The following EYS variants were observed in gnomAD, a reference collection of about 807,000 sequenced individuals.
The protein encoded by EYS is EGF-like photoreceptor maintenance factor.
Under a neutral mutation model 282.1 loss-of-function variants are expected in EYS, and 250 were observed. The ratio of observed to expected loss-of-function variants is 0.89; its 90% CI spans 0.80 to 0.98. EYS has a LOEUF of 0.98. Ranked by LOEUF, EYS falls within the 50% of genes least tolerant of loss-of-function variation. The pLI is 0.00. For missense variants in EYS, 4,016 were observed against 3,709.0 expected (o/e 1.08, Z -2.15); for synonymous variants, 1,355 against 1,282.9 (o/e 1.06, Z -1.20).
chr6:65,515,388 C>T (rs1330103949), intron 2 of EYS, among the ~76,000 whole-genome samples: 1 of 152,080 alleles, frequency 6.6e-6, no homozygotes, highest in Non-Finnish European at 1.5e-5. Flanking sequence ...TGTGGTGATA[C>T]CTCAGGGATC....
intron 30 of EYS, among the ~76,000 whole-genome samples, chr6:64,231,499 T>C (rs969629097): frequency 7.2e-5 from 11 of 152,116 alleles, no homozygotes; most frequent in Non-Finnish European, 1.2e-4. Flanking sequence ...CAAATAAGAT[T>C]GCTATTCCTT....
At chr6:63,722,198 G>C (rs1768425970) in intron 42 of EYS, among the ~76,000 whole-genome samples, 1 of 152,050 alleles carries the variant, frequency 6.6e-6, no homozygotes, top group Non-Finnish European at 1.5e-5. Context: ...TACCTGGAAT[G>C]TTCTCTTTCC....
At chr6:64,343,743 C>A (rs1458380609) in intron 29 of EYS, among the ~76,000 whole-genome samples, 1 of 151,970 alleles carries the variant, frequency 6.6e-6, no homozygotes, top group East Asian at 1.9e-4. Context: ...ATAAAAAACC[C>A]TTCAAAAAAT....
intron 29 of EYS, among the ~76,000 whole-genome samples, chr6:64,317,243 A>G (rs1178393261): frequency 6.6e-6 from 1 of 152,084 alleles, no homozygotes; most frequent in African/African-American, 2.4e-5. Flanking sequence ...TGCACAGAAA[A>G]AGAAACTATC....
chr6:63,777,805 C>T, intron 40 of EYS: 1 of 528,438 alleles, frequency 1.9e-6, no homozygotes. Context: ...TTTCACAGAA[C>T]TAAGATGGCA....
At chr6:64,131,521 T>C (rs1773979589) in intron 31 of EYS, among the ~76,000 whole-genome samples, 1 of 152,084 alleles carries the variant, frequency 6.6e-6, no homozygotes, top group Non-Finnish European at 1.5e-5. Flanking sequence ...GTATAGACCA[T>C]GTGACTTGTG....
chr6:65,301,911 A>T (rs71572516), intron 11 of EYS, among the ~76,000 whole-genome samples: 13,258 of 151,626 alleles, frequency 0.087, 146 homozygotes, highest in African/African-American at 0.17. Flanking sequence ...GGATTTGGGG[A>T]TATTCCCTGC....
Position 65,295,857 on chromosome 6 carries a change from A to AC in EYS, c.2023+5dup, listed in dbSNP as rs1768646958. The AC allele has an allele frequency of 2.0e-6, 3 of 1,526,126 alleles. No individual in the cohort carries two copies. The highest frequency in any genetic ancestry group is 2.3e-5 in the Admixed American group (1 of 44,212). 94.5% of individuals were successfully genotyped at this position (1,526,126 alleles called of 1,614,324 possible). On this transcript the variant is annotated splice_donor_region_variant and intron_variant, in intron 12 of 42. Transcript: ENST00000503581. ...AATTTAATTTATCAGGAAAAAAAAAACTTGCCTTTAAATCCTGGGACACAC... is the reference window on the plus strand; with the variant it reads ...AATTTAATTTATCAGGAAAAAAAAAACCTTGCCTTTAAATCCTGGGACACAC...
intron 5 of EYS, among the ~76,000 whole-genome samples, chr6:65,464,339 T>C (rs1764921843): frequency 2.0e-5 from 3 of 152,142 alleles, no homozygotes; most frequent in African/African-American, 7.2e-5. Flanking sequence ...CCCATGAAGG[T>C]AGTTAAATTT....
intron 22 of EYS, among the ~76,000 whole-genome samples, chr6:64,635,966 G>C (rs563544674): frequency 1.2e-4 from 18 of 152,068 alleles, no homozygotes; most frequent in African/African-American, 3.6e-4. Flanking sequence ...ACTTTTTTTG[G>C]TTGGTAAGCT....
At chr6:64,455,286 T>G (rs536282056) in intron 26 of EYS, among the ~76,000 whole-genome samples, 1 of 152,244 alleles carries the variant, frequency 6.6e-6, no homozygotes, top group East Asian at 1.9e-4. Flanking sequence ...ATTCTTAAAA[T>G]AGTTTACTAG....
At chr6:65,443,489 G>A (rs539808868) in intron 5 of EYS, among the ~76,000 whole-genome samples, 15 of 151,442 alleles carry the variant, frequency 9.9e-5, no homozygotes, top group African/African-American at 3.6e-4. Flanking sequence ...ATACACATAT[G>A]CGCATATACT....
At chr6:64,103,169 G>A (rs1007365123) in intron 31 of EYS, among the ~76,000 whole-genome samples, 5 of 152,072 alleles carry the variant, frequency 3.3e-5, no homozygotes, top group Non-Finnish European at 5.9e-5. Context: ...CAAGATGGTG[G>A]TTATGGGAGG....
rs993045123 is a variant in EYS, at chr6:64,991,236, A to G, written c.2259+6346T>C. The stretch of plus-strand genomic sequence containing the variant: ...AGGGAAGATTGGTATAATAAAAAGT[A>G]GAGATCTGAGTAATACATTGTAGGC... On this transcript the variant is annotated intron_variant, in intron 14 of 42. Coordinates refer to ENST00000503581, the MANE Select transcript of EYS (RefSeq NM_001142800.2). Among the ~76,000 whole-genome samples the G allele has an allele frequency of 2.0e-5, 3 of 151,644 alleles. No homozygotes were observed. The South Asian group carries it at 6.2e-4, about 31-fold the overall frequency.
chr6:65,100,384 G>A (rs1023434555), intron 12 of EYS, among the ~76,000 whole-genome samples: 4 of 150,462 alleles, frequency 2.7e-5, no homozygotes, highest in Non-Finnish European at 4.5e-5. Context: ...CAAAAAAAGA[G>A]TCATAAGGCA....
chr6:64,686,408 A>G (rs1770100669), intron 22 of EYS, among the ~76,000 whole-genome samples: 1 of 151,912 alleles, frequency 6.6e-6, no homozygotes, highest in Admixed American at 6.6e-5. Flanking sequence ...AACAAACATT[A>G]CCAATATGAT....
intron 19 of EYS, among the ~76,000 whole-genome samples, chr6:64,858,325 T>A (rs1345979581): frequency 1.3e-5 from 2 of 152,132 alleles, no homozygotes; most frequent in African/African-American, 4.8e-5. Context: ...GATAGCCAGT[T>A]TTTCCAGCAT....
At chr6:64,543,193 C>A (rs1764742450) in intron 26 of EYS, among the ~76,000 whole-genome samples, 1 of 151,900 alleles carries the variant, frequency 6.6e-6, no homozygotes, top group Non-Finnish European at 1.5e-5. Flanking sequence ...TATAAGTTAC[C>A]ACAATATCTG....
At chr6:65,102,250 C>T (rs1774915481) in intron 12 of EYS, among the ~76,000 whole-genome samples, 1 of 151,240 alleles carries the variant, frequency 6.6e-6, no homozygotes, top group Non-Finnish European at 1.5e-5. Context: ...GTGTAGCTTG[C>T]ATTTCAACCA....
Sources: allele counts gnomAD v4.1 joint callset (sites outside exome capture counted in the v4.1 genomes callset), GRCh38; gene constraint gnomAD v4.1.1; transcripts MANE v1.5; gene names NCBI Gene and HGNC (gene_info 2026-07-23, HGNC 2026-07-21).